CPAMD8: variants seen among roughly 807,000 people sequenced by gnomAD.
CPAMD8 encodes the protein C3 and PZP-like alpha-2-macroglobulin domain-containing protein 8.
Under a neutral mutation model 224.7 loss-of-function variants are expected in CPAMD8, and 146 were observed. The observed-to-expected ratio is 0.65, with a 90% CI of 0.57 to 0.75. The LOEUF (loss-of-function observed/expected upper bound fraction) is 0.75, where lower values mean the gene tolerates loss of function less well. Among genes scored for constraint, CPAMD8 ranks in the 30% least tolerant of loss-of-function variants. The probability of loss-of-function intolerance (pLI) is 0.00; values close to 1 mark genes in which losing one functional copy is unlikely to be tolerated. For synonymous variants in CPAMD8, 966 were observed against 1,044.6 expected (o/e 0.92, Z 1.45); for missense variants, 2,301 against 2,537.5 (o/e 0.91, Z 2.00).
At chr19:17,017,876 C>A (rs2056852465) in intron 3 of CPAMD8, among the ~76,000 whole-genome samples, 1 of 151,870 alleles carries the variant, frequency 6.6e-6, no homozygotes, top group African/African-American at 2.4e-5. Flanking sequence ...ATTAAAAATA[C>A]AAAAAAATTA....
At chr19:16,993,669 T>TC in intron 11 of CPAMD8, 83 bp from the exon 12 acceptor site, 1 of 1,271,260 alleles carries the variant, frequency 7.9e-7, no homozygotes, top group South Asian at 1.4e-5. Context: ...CAATCCCCAC[T>TC]GGAATCCCAG....
intron 29 of CPAMD8, 97 bp downstream of exon 29, chr19:16,914,327 A>G: frequency 1.1e-6 from 1 of 934,406 alleles, no homozygotes; most frequent in Non-Finnish European, 1.7e-6. Flanking sequence ...GAAGGAGGGC[A>G]GGGAGGAAGA....
At position 17,009,322 on chromosome 19, in the gene CPAMD8, TGTAATGAAGA is replaced by T. The variant is rs1461100284; in HGVS notation, c.487-12_487-3del. ...ACTCACCAGGATGTAGGCTTCCAGC[TGTAATGAAGA>T]CACAGATGCAGTGAGCAAATCTTCC... On this transcript the variant is annotated splice_region_variant and splice_polypyrimidine_tract_variant and intron_variant, in intron 5 of 41. Transcript: ENST00000443236. 6.2e-7 allele frequency: 1 copy of T among 1,614,000 alleles called. No individual in the cohort carries two copies. Among genetic ancestry groups the T allele is most frequent in the African/African-American group, 1.3e-5 (1 of 74,936 alleles).
At position 16,975,170 on chromosome 19, in the gene CPAMD8, G is replaced by A. The variant is rs1240231254; in HGVS notation, c.1997C>T (p.Ala666Val). ...DGPFWWAGLT[A>V]QRRRRSSVFP... ...GACAGAGGAGCGCCGGCGTCGTTGT[G>A]CCGTCAGCCCAGCCCACCAAAAAGG... The change falls in exon 17 of 42, where the codon GCA (alanine) becomes GTA (valine). Residue 666 changes from alanine to valine, a missense_variant. Ala to Val is a moderately conservative substitution (Grantham distance 64). Coordinates refer to ENST00000443236, the MANE Select transcript of CPAMD8 (RefSeq NM_015692.5). The A allele has an allele frequency of 2.5e-6, 4 of 1,612,354 alleles. No individual in the cohort carries two copies. Among genetic ancestry groups the A allele is most frequent in the East Asian group, 2.2e-5 (1 of 44,864 alleles).
At chr19:16,958,722 AT>A (rs759498100) in intron 18 of CPAMD8, among the ~76,000 whole-genome samples, 4 of 152,012 alleles carry the variant, frequency 2.6e-5, no homozygotes, top group Non-Finnish European at 5.9e-5. Context: ...GGTTGAACTA[AT>A]TTACACTCCC....
At chr19:16,916,635 A>G (rs947670994) in intron 27 of CPAMD8, among the ~76,000 whole-genome samples, 15 of 151,904 alleles carry the variant, frequency 9.9e-5, no homozygotes, top group African/African-American at 3.6e-4. Flanking sequence ...GCTACTCGGG[A>G]GGCTGAGGCA....
At chr19:16,908,446 A>T (rs533227075) in intron 29 of CPAMD8, among the ~76,000 whole-genome samples, 1 of 151,736 alleles carries the variant, frequency 6.6e-6, no homozygotes, top group Non-Finnish European at 1.5e-5. Flanking sequence ...AGGCCTGGTC[A>T]CCTCCTTAGA....
rs2052112304 is a variant in CPAMD8 at position 16,898,254 on chromosome 19, C to T, written c.4849-260G>A. 7.3e-6 allele frequency: 3 copies of T among 408,512 alleles called. No homozygotes were observed. The highest frequency in any genetic ancestry group is 3.3e-5 in the South Asian group (1 of 30,172). The allele number at this position is 408,512 out of a possible 1,614,324, so 25.3% of individuals were successfully genotyped here. On this transcript the variant is annotated intron_variant, in intron 37 of 41. Transcript: ENST00000443236. The surrounding 1 kb of genome is among the most constrained non-coding windows in gnomAD (Gnocchi z 4.2). ...CGGCCTCCTGGGTTCAAATGATTCT[C>T]CTGCCTCAGCCTCCCAAGTAGCTGG...
intron 35 of CPAMD8, 93 bp downstream of exon 35, chr19:16,902,556 G>A (rs2052302288): frequency 2.7e-6 from 2 of 733,758 alleles, no homozygotes; most frequent in Non-Finnish European, 4.7e-6. Flanking sequence ...CTGAGTGCCT[G>A]GAGCCGGAAG....
intron 29 of CPAMD8, among the ~76,000 whole-genome samples, chr19:16,908,373 A>T (rs1043285392): frequency 3.3e-4 from 50 of 151,540 alleles, no homozygotes; most frequent in Non-Finnish European, 5.6e-4. Flanking sequence ...AAAAAAAAAA[A>T]AAATAATAGA....
chr19:16,982,699 G>A (rs2055556734), intron 13 of CPAMD8, among the ~76,000 whole-genome samples: 1 of 152,102 alleles, frequency 6.6e-6, no homozygotes, highest in Non-Finnish European at 1.5e-5. Context: ...ATAGCTGGGT[G>A]TGGTGGCACA....
chr19:16,987,202 A>ATATATATATATATG (rs1568566637), intron 13 of CPAMD8, among the ~76,000 whole-genome samples: 1 of 129,094 alleles, frequency 7.7e-6, no homozygotes, highest in African/African-American at 2.9e-5. Flanking sequence ...ATATATATAT[A>ATATATATATATATG]TATATATGTA....
chr19:16,904,333 A>T lies in CPAMD8; in HGVS notation c.4144T>A (p.Tyr1382Asn). 6.2e-7 allele frequency: 1 copy of T among 1,613,806 alleles called. No homozygotes were observed. The highest frequency in any genetic ancestry group is 8.5e-7 in the Non-Finnish European group (1 of 1,179,978). The change falls in exon 32 of 42, where the codon TAC (tyrosine) becomes AAC (asparagine). Residue 1382 changes from tyrosine (Y) to asparagine (N), a missense_variant. Transcript: ENST00000443236. The stretch of plus-strand genomic sequence containing the variant: ...AGCAGAGTGTAGGTCAGAAGGGCGT[A>T]GGCTGTCATTTCCACCTCGGCCGAG... ...VVSAEVEMTA[Y>N]ALLTYTLLGD...
In CPAMD8 at chr19:17,003,685, G is replaced by A. The variant is rs568071222; in HGVS notation, c.673+588C>T. On this transcript the variant is annotated intron_variant, in intron 8 of 41. Transcript: ENST00000443236. ...CCCAGCAACTCAGGAGGCTGAGGAG[G>A]GAGGATCACTTGAACTTGGGAAGTC... Among the ~76,000 whole-genome samples, 5 of 150,936 alleles carry A rather than the reference G, an allele frequency of 3.3e-5. No homozygotes were observed. The South Asian group carries it at 1.1e-3, about 32-fold the overall frequency.
rs180670727 is a variant in CPAMD8, at chr19:16,932,943, T to C, written c.2846-3703A>G. Among the ~76,000 whole-genome samples, 11 of 152,346 alleles carry C rather than the reference T, an allele frequency of 7.2e-5. No homozygotes were observed. In the East Asian group the frequency reaches 2.1e-3, roughly 29 times the overall value. On this transcript the variant is annotated intron_variant, in intron 23 of 41. Transcript: ENST00000443236. ...AATATCATTTTTTTCTTTTACTTTT[T>C]CTTTTCCCTTTTTTCCAGTGTGGTT... is the stretch of plus-strand genomic sequence containing the variant.
intron 24 of CPAMD8, 147 bp from the exon 25 acceptor site, chr19:16,928,381 G>C (rs2053440479): frequency 9.5e-6 from 6 of 628,854 alleles, no homozygotes; most frequent in Non-Finnish European, 1.7e-5. Context: ...TCAGAGGTGA[G>C]AGAAATCAGG....
chr19:16,978,961 C>T (rs2055384499), intron 14 of CPAMD8, among the ~76,000 whole-genome samples: 1 of 149,666 alleles, frequency 6.7e-6, no homozygotes, highest in South Asian at 2.2e-4. Context: ...CATCCATCAT[C>T]CACCCACCCA....
chr19:16,993,748 G>A (rs1322777203), intron 11 of CPAMD8, among the ~76,000 whole-genome samples, 162 bp from the exon 12 acceptor site: 1 of 152,112 alleles, frequency 6.6e-6, no homozygotes, highest in Non-Finnish European at 1.5e-5. Flanking sequence ...GTTCCAAATC[G>A]CAAAAACAAT....
intron 41 of CPAMD8, chr19:16,894,002 C>G (rs967678990): frequency 6.0e-6 from 1 of 167,334 alleles, no homozygotes; most frequent in African/African-American, 2.4e-5. Context: ...TAGTCCACAT[C>G]GTGTTTGCTC....
Sources: gnomAD v4.1 joint callset for allele counts (sites outside exome capture counted in the v4.1 genomes callset) on GRCh38, gnomAD v4.1.1 for gene constraint, Gnocchi (gnomAD v3.1) non-coding constraint, MANE v1.5 for transcripts, NCBI Gene and HGNC (gene_info 2026-07-23, HGNC 2026-07-21) for gene names.